GABRG2: variants seen among roughly 807,000 people sequenced by gnomAD.
The protein encoded by GABRG2 is gamma-aminobutyric acid type A receptor subunit gamma2.
In GABRG2, 16 loss-of-function variants were observed where a neutral mutation model predicts 56.4. The observed-to-expected ratio is 0.28, with a 90% CI of 0.19 to 0.43. The LOEUF (loss-of-function observed/expected upper bound fraction) is 0.43, where lower values mean the gene tolerates loss of function less well. GABRG2 is among the 20% of genes least tolerant of loss of function. The pLI is 1.00. For synonymous variants in GABRG2, 208 were observed against 205.5 expected (o/e 1.01, Z -0.10); for missense variants, 327 against 582.7 (o/e 0.56, Z 4.52).
In GABRG2 at chr5:162,147,763, A is replaced by G. The variant is rs572404559; in HGVS notation, c.923-1345A>G. 1.2e-4 allele frequency among the ~76,000 whole-genome samples: 19 copies of G among 152,340 alleles called. No individual in the cohort carries two copies. In the East Asian group the frequency reaches 3.3e-3, roughly 26 times the overall value. ...TTAGCAGTAATAGTCAGAATTGCAC[A>G]TCTTTAAATGATGCAAACTTTATTT... On this transcript the variant is annotated intron_variant, in intron 7 of 9. Coordinates refer to ENST00000639213, the MANE Select transcript of GABRG2 (RefSeq NM_198904.4).
At chr5:162,074,746 A>T (rs1758952849) in intron 1 of GABRG2, among the ~76,000 whole-genome samples, 1 of 152,110 alleles carries the variant, frequency 6.6e-6, no homozygotes, top group East Asian at 1.9e-4. Flanking sequence ...ATAATTTCTT[A>T]ATTAATTTAT....
At chr5:162,109,143 C>CA (rs912920546) in intron 6 of GABRG2, among the ~76,000 whole-genome samples, 22 of 151,210 alleles carry the variant, frequency 1.5e-4, no homozygotes, top group Middle Eastern at 3.4e-3. Context: ...ATCTCAAAGA[C>CA]AAAAAATCAA....
intron 1 of GABRG2, among the ~76,000 whole-genome samples, chr5:162,080,021 C>A (rs916460400): frequency 6.6e-6 from 1 of 152,084 alleles, no homozygotes; most frequent in East Asian, 1.9e-4. Context: ...CATAAGATAC[C>A]ATTTGGCCCT....
chr5:162,110,969 C>T (rs1762210309), intron 6 of GABRG2, among the ~76,000 whole-genome samples: 1 of 152,004 alleles, frequency 6.6e-6, no homozygotes, highest in African/African-American at 2.4e-5. Context: ...CACTTTCCCT[C>T]CTTGGGATGA....
Position 162,093,851 on chromosome 5 carries a change from A to G in GABRG2, c.131A>G (p.Asp44Gly). The G allele has an allele frequency of 6.2e-7, 1 of 1,613,110 alleles. No individual in the cohort carries two copies. Reference protein sequence around the residue: ...YPGFTSQKSDDDYEDYASNKT... With the variant: ...YPGFTSQKSDGDYEDYASNKT... ...AGCTTCACTAGCCAGAAATCTGATGATGACTATGAAGATTATGCTTCTAAC... is the reference window on the plus strand; with the variant it reads ...AGCTTCACTAGCCAGAAATCTGATGGTGACTATGAAGATTATGCTTCTAAC... Residue 44 changes from aspartate to glycine, a missense_variant, in exon 2 of 10, where the codon GAT (aspartate) becomes GGT (glycine). By Grantham distance (94) the Asp-to-Gly change is moderately conservative (BLOSUM62 -1). This residue lies in a region of GABRG2 where 73 missense variants were observed against 72.2 expected (regional missense o/e 1.01). Transcript: ENST00000639213.
intron 6 of GABRG2, among the ~76,000 whole-genome samples, chr5:162,139,616 A>G (rs1764404629): frequency 6.6e-6 from 1 of 152,220 alleles, no homozygotes; most frequent in Non-Finnish European, 1.5e-5. Flanking sequence ...TGAGGTAATT[A>G]TCTTGTTAAC....
chr5:162,152,921 A>G (rs1172392568), intron 9 of GABRG2, 172 bp from the exon 10 acceptor site: 1 of 773,774 alleles, frequency 1.3e-6, no homozygotes, highest in Non-Finnish European at 2.1e-6. Flanking sequence ...TGAAATCTGC[A>G]AATGTGCTAT....
At chr5:162,109,420 A>ATTTATTTATTTATTTATT (rs1554098576) in intron 6 of GABRG2, among the ~76,000 whole-genome samples, 5 of 116,128 alleles carry the variant, frequency 4.3e-5, no homozygotes. Flanking sequence ...ATATATATAT[A>ATTTATTTATTTATTTATT]TATTTATTTA....
At chr5:162,077,531 A>G (rs979931315) in intron 1 of GABRG2, among the ~76,000 whole-genome samples, 30 of 152,336 alleles carry the variant, frequency 2.0e-4, no homozygotes, top group African/African-American at 6.3e-4. Context: ...GTATTTTATT[A>G]TAAGAAACTT....
chr5:162,100,837 A>T lies in GABRG2; in HGVS notation c.549-398A>T, dbSNP rs537889520. ...GGTCCTGCTTTAATTAGCAGTTAAG[A>T]TCTTAGAATTATCAACATTCATTTA... is the stretch of plus-strand genomic sequence containing the variant. On this transcript the variant is annotated intron_variant, in intron 4 of 9. Coordinates refer to ENST00000639213, the MANE Select transcript of GABRG2 (RefSeq NM_198904.4). Among the ~76,000 whole-genome samples, 46 of 152,282 alleles carry T rather than the reference A, an allele frequency of 3.0e-4. No homozygotes were observed. The South Asian group carries it at 9.3e-3, about 31-fold the overall frequency.
intron 1 of GABRG2, among the ~76,000 whole-genome samples, chr5:162,087,708 AT>A (rs1476017913): frequency 6.6e-6 from 1 of 152,088 alleles, no homozygotes. Context: ...TTACCTTAGG[AT>A]TTACAATTAT....
chr5:162,140,664 G>A (rs1344780487), intron 6 of GABRG2, among the ~76,000 whole-genome samples: 5 of 152,066 alleles, frequency 3.3e-5, no homozygotes, highest in Admixed American at 6.6e-5. Flanking sequence ...ATATAATTTA[G>A]CAAAGAAAAA....
chr5:162,076,859 A>G (rs1206780502), intron 1 of GABRG2, among the ~76,000 whole-genome samples: 2 of 152,152 alleles, frequency 1.3e-5, no homozygotes, highest in Non-Finnish European at 2.9e-5. Context: ...AACAAAATTC[A>G]ACATCATCTG....
At chr5:162,113,358 A>T (rs1762389999) in intron 6 of GABRG2, among the ~76,000 whole-genome samples, 1 of 152,208 alleles carries the variant, frequency 6.6e-6, no homozygotes, top group Non-Finnish European at 1.5e-5. Context: ...TTTCCAATTT[A>T]TCCACTCCAA....
chr5:162,141,979 A>G (rs1315696553), intron 6 of GABRG2, among the ~76,000 whole-genome samples, 185 bp from the exon 7 acceptor site: 2 of 152,140 alleles, frequency 1.3e-5, no homozygotes, highest in East Asian at 3.9e-4. Flanking sequence ...AAGAGTTGGG[A>G]TTCAGTTCAG....
chr5:162,072,458 TG>T (rs1050115165), intron 1 of GABRG2, among the ~76,000 whole-genome samples: 1 of 152,084 alleles, frequency 6.6e-6, no homozygotes, highest in African/African-American at 2.4e-5. Context: ...GTTTGACCAC[TG>T]TGGGTGTCGG....
chr5:162,106,878 A>T (rs1258181478), intron 6 of GABRG2, among the ~76,000 whole-genome samples: 1 of 148,872 alleles, frequency 6.7e-6, no homozygotes, highest in Admixed American at 6.8e-5. Flanking sequence ...GTTAGGGGGT[A>T]CATGTACAGG....
At chr5:162,126,736 C>T (rs1763366855) in intron 6 of GABRG2, among the ~76,000 whole-genome samples, 1 of 151,944 alleles carries the variant, frequency 6.6e-6, no homozygotes, top group Admixed American at 6.6e-5. Context: ...TCAAATAACT[C>T]AGGCTGCCAC....
At chr5:162,108,386 C>T (rs528331974) in intron 6 of GABRG2, among the ~76,000 whole-genome samples, 23 of 152,156 alleles carry the variant, frequency 1.5e-4, no homozygotes, top group African/African-American at 4.8e-4. Context: ...GTGAAAGAAC[C>T]GAACTATTAA....
Sources: allele counts gnomAD v4.1 joint callset (sites outside exome capture counted in the v4.1 genomes callset), GRCh38; gene constraint gnomAD v4.1.1; regional missense constraint gnomAD v4.1.1; transcripts MANE v1.5; gene names NCBI Gene and HGNC (gene_info 2026-07-23, HGNC 2026-07-21).